MCTP2: variants seen among roughly 807,000 people sequenced by gnomAD.
MCTP2 encodes multiple C2 and transmembrane domain containing 2.
In MCTP2, 132 loss-of-function variants were observed where a neutral mutation model predicts 111.6. That is an observed-to-expected ratio of 1.18 (90% CI 1.03 to 1.37). The LOEUF is 1.37. MCTP2 is among the 40% of genes most tolerant of loss of function. The pLI is 0.00. For missense variants in MCTP2, 1,183 were observed against 1,067.9 expected (o/e 1.11, Z -1.50); for synonymous variants, 395 against 387.7 (o/e 1.02, Z -0.22).
intron 17 of MCTP2, among the ~76,000 whole-genome samples, chr15:94,420,469 C>T (rs984270228): frequency 6.6e-6 from 1 of 151,996 alleles, no homozygotes; most frequent in African/African-American, 2.4e-5. Flanking sequence ...AAAGGATTCA[C>T]CATTCTAGAT....
At chr15:94,472,554 G>T (rs1274321247) in intron 21 of MCTP2, among the ~76,000 whole-genome samples, 1 of 152,066 alleles carries the variant, frequency 6.6e-6, no homozygotes, top group Non-Finnish European at 1.5e-5. Context: ...ATGAAATATT[G>T]TTCTATTTTC....
At position 94,466,782 on chromosome 15, in the gene MCTP2, T is replaced by TTATATTTTTATTTTCATG. The variant is rs527376413; in HGVS notation, c.2361-3549_2361-3532dup. Among the ~76,000 whole-genome samples, 93 of 152,252 alleles carry TTATATTTTTATTTTCATG rather than the reference T, an allele frequency of 6.1e-4. 1 individual carries two copies. In the South Asian group the frequency reaches 0.018, roughly 30 times the overall value. On this transcript the variant is annotated intron_variant, in intron 20 of 22. Transcript: ENST00000357742. ...CAGTTTATTTTATTTTTACAGTGTA[T>TTATATTTTTATTTTCATG]TATATTTTTATTTTCATGTCAGCCT...
At chr15:94,325,812 A>ATTTTATTTTTTTTTTTTT (rs2076837825) in intron 4 of MCTP2, among the ~76,000 whole-genome samples, 1 of 91,878 alleles carries the variant, frequency 1.1e-5, no homozygotes, top group East Asian at 3.0e-4. Context: ...CATCGCTCCG[A>ATTTTATTTTTTTTTTTTT]TTTTTTTTTT....
At chr15:94,420,296 ATGT>A (rs1404574105) in intron 17 of MCTP2, among the ~76,000 whole-genome samples, 2 of 152,164 alleles carry the variant, frequency 1.3e-5, no homozygotes, top group Non-Finnish European at 2.9e-5. Context: ...AATGAGATTA[ATGT>A]TGTTTTCATG....
At chr15:94,436,055 TGTATGCCA>T (rs1367636478) in intron 17 of MCTP2, among the ~76,000 whole-genome samples, 1 of 152,208 alleles carries the variant, frequency 6.6e-6, no homozygotes, top group Non-Finnish European at 1.5e-5. Flanking sequence ...GTGCTCTGCA[TGTATGCCA>T]GCAACTTTAG....
At position 94,477,492 on chromosome 15, in the gene MCTP2, A is replaced by G. The variant is rs527873094; in HGVS notation, c.2568+699A>G. ...CTGTGGATCAGCCTGCTATAAATCC[A>G]GAGGAAGGAGGGCAGGCGGCAGTTT... is the stretch of plus-strand genomic sequence containing the variant. On this transcript the variant is annotated intron_variant, in intron 22 of 22. Transcript: ENST00000357742. 3.9e-5 allele frequency among the ~76,000 whole-genome samples: 6 copies of G among 152,264 alleles called. No homozygotes were observed. In the South Asian group the frequency reaches 1.2e-3, roughly 32 times the overall value.
intron 1 of MCTP2, among the ~76,000 whole-genome samples, chr15:94,294,842 G>T (rs748462368): frequency 4.0e-5 from 6 of 151,676 alleles, no homozygotes; most frequent in Non-Finnish European, 7.4e-5. Context: ...AGATTCTTGG[G>T]ACTCACGTTC....
chr15:94,312,763 C>T (rs759314158), intron 2 of MCTP2, among the ~76,000 whole-genome samples: 1 of 152,214 alleles, frequency 6.6e-6, no homozygotes, highest in African/African-American at 2.4e-5. Flanking sequence ...TGCCCAGTTG[C>T]AGCCTTTCTC....
chr15:94,382,221 A>T (rs2080178397), intron 12 of MCTP2, among the ~76,000 whole-genome samples: 1 of 152,246 alleles, frequency 6.6e-6, no homozygotes, highest in Admixed American at 6.5e-5. Flanking sequence ...GGTATGAGAT[A>T]TGGGCTGAGT....
intron 4 of MCTP2, among the ~76,000 whole-genome samples, chr15:94,327,830 C>T (rs1022209744): frequency 1.3e-5 from 2 of 152,192 alleles, no homozygotes; most frequent in Non-Finnish European, 2.9e-5. Flanking sequence ...ACCATTTCCT[C>T]TGAAGATTTT....
chr15:94,458,938 T>C lies in MCTP2; in HGVS notation c.2360+692T>C, dbSNP rs565309910. Among the ~76,000 whole-genome samples, 7 of 152,362 alleles carry C rather than the reference T, an allele frequency of 4.6e-5. No homozygotes were observed. The South Asian group carries it at 1.4e-3, about 32-fold the overall frequency. On this transcript the variant is annotated intron_variant, in intron 20 of 22. Transcript: ENST00000357742. ...CAGGTAACATGCTGGATTTGATTTA[T>C]AGTCTACCCACAGCTTGCCACCCCC...
intron 4 of MCTP2, among the ~76,000 whole-genome samples, chr15:94,332,704 A>G (rs755890306): frequency 6.7e-5 from 10 of 150,028 alleles, no homozygotes; most frequent in Non-Finnish European, 1.5e-4. Context: ...CAAGCTAAAG[A>G]CAACATTTCT....
intron 17 of MCTP2, among the ~76,000 whole-genome samples, chr15:94,420,572 C>T (rs989165683): frequency 1.3e-5 from 2 of 151,990 alleles, no homozygotes; most frequent in African/African-American, 2.4e-5. Context: ...TCACAGATGA[C>T]TTGGAAGGGT....
chr15:94,450,343 T>C lies in MCTP2; in HGVS notation c.2250+7383T>C, dbSNP rs781713408. 5.5e-4 allele frequency among the ~76,000 whole-genome samples: 84 copies of C among 152,258 alleles called. 2 individuals carry two copies. The highest frequency in any genetic ancestry group is 1.9e-4 in the Non-Finnish European group (13 of 68,006). On this transcript the variant is annotated intron_variant, in intron 19 of 22. Transcript: ENST00000357742. ...CTGTGGCGTTGACTCCATGTGTGTG[T>C]GCGTGTGTGTGTGCACGCGCACGTG...
chr15:94,272,545 C>T (rs1232156915), intron 1 of MCTP2, among the ~76,000 whole-genome samples: 1 of 152,080 alleles, frequency 6.6e-6, no homozygotes, highest in Non-Finnish European at 1.5e-5. Flanking sequence ...TTTTCTTCTC[C>T]ATTCTCCCAT....
At chr15:94,298,065 C>T (rs1213575228) in intron 1 of MCTP2, 136 bp from the exon 2 acceptor site, 6 of 445,270 alleles carry the variant, frequency 1.3e-5, no homozygotes, top group African/African-American at 2.0e-5. Flanking sequence ...TCAAATGTTG[C>T]AGTCTTAATC....
In MCTP2 at chr15:94,384,181, T is replaced by C. The variant is rs562089707; in HGVS notation, c.1685+57T>C. 42 of 1,188,954 alleles carry C rather than the reference T, an allele frequency of 3.5e-5. No homozygotes were observed. The South Asian group carries it at 4.8e-4, about 14-fold the overall frequency. 73.7% of individuals were successfully genotyped at this position (1,188,954 alleles called of 1,614,324 possible). ...CTGTGCTTGGAAGGTAGTCTGGGGC[T>C]CTTGAGTGGAATTTTCTGTCCATTT... On this transcript the variant is annotated intron_variant, in intron 13 of 22. Coordinates refer to ENST00000357742, the MANE Select transcript of MCTP2 (RefSeq NM_001385001.1).
intron 19 of MCTP2, 103 bp downstream of exon 19, chr15:94,443,063 T>G: frequency 1.2e-6 from 1 of 822,728 alleles, no homozygotes; most frequent in South Asian, 1.8e-5. Flanking sequence ...TTTTTTTTTT[T>G]TAATATGATA....
intron 17 of MCTP2, among the ~76,000 whole-genome samples, chr15:94,431,862 A>G (rs1430278721): frequency 4.6e-5 from 7 of 152,178 alleles, no homozygotes; most frequent in African/African-American, 1.7e-4. Context: ...TGTTTCAAAT[A>G]TCTAGATTTT....
Sources: allele counts gnomAD v4.1 joint callset (sites outside exome capture counted in the v4.1 genomes callset), GRCh38; gene constraint gnomAD v4.1.1; transcripts MANE v1.5; gene names NCBI Gene and HGNC (gene_info 2026-07-23, HGNC 2026-07-21).